Variants in DLG2 observed in about 807,000 individuals in gnomAD.
The protein encoded by DLG2 is disks large homolog 2.
A neutral mutation model predicts 132.5 loss-of-function variants in DLG2; 45 were observed. The observed-to-expected ratio is 0.34, with a 90% confidence interval of 0.27 to 0.44. The LOEUF (loss-of-function observed/expected upper bound fraction) is 0.44, where lower values mean the gene tolerates loss of function less well. DLG2 is among the 20% of genes least tolerant of loss of function. The probability of loss-of-function intolerance (pLI) is 1.00; values close to 1 mark genes in which losing one functional copy is unlikely to be tolerated. For missense variants in DLG2, 1,045 were observed against 1,196.9 expected, an observed-to-expected ratio of 0.87 and a Z score of 1.87; for synonymous variants, 424 against 419.6, an observed-to-expected ratio of 1.01 and a Z score of -0.13.
intron 18 of DLG2, among the ~76,000 whole-genome samples, chr11:83,658,225 CT>C (rs2073256071): frequency 1.3e-5 from 2 of 152,236 alleles, no homozygotes; most frequent in African/African-American, 4.8e-5. Context: ...ATCTAATGGG[CT>C]TTTTGAAAAA....
chr11:84,294,904 T>C (rs1261902198), intron 7 of DLG2, among the ~76,000 whole-genome samples: 44 of 152,160 alleles, frequency 2.9e-4, no homozygotes, highest in Admixed American at 2.9e-3. Flanking sequence ...TAAAATATGA[T>C]GAAGTCTCAA....
chr11:83,850,735 T>C (rs956154773), intron 16 of DLG2, among the ~76,000 whole-genome samples: 1 of 152,174 alleles, frequency 6.6e-6, no homozygotes, highest in Admixed American at 6.5e-5. Flanking sequence ...TTGCATATAC[T>C]TTCTTCATTC....
At chr11:85,249,107 A>C (rs1407003941) in intron 4 of DLG2, among the ~76,000 whole-genome samples, 1 of 152,056 alleles carries the variant, frequency 6.6e-6, no homozygotes, top group African/African-American at 2.4e-5. Context: ...ATGCTTTATG[A>C]ATATTGTAGG....
intron 18 of DLG2, among the ~76,000 whole-genome samples, chr11:83,753,376 T>C (rs1329956420): frequency 6.6e-6 from 1 of 152,098 alleles, no homozygotes; most frequent in Non-Finnish European, 1.5e-5. Flanking sequence ...TGAGCCAAGA[T>C]TGTGCCACTG....
At chr11:83,945,090 A>G (rs7935402) in intron 14 of DLG2, among the ~76,000 whole-genome samples, 12,976 of 152,156 alleles carry the variant, frequency 0.085, 1,647 homozygotes, top group African/African-American at 0.28. Flanking sequence ...TACAACAACA[A>G]ACTTTCACGG....
intron 8 of DLG2, among the ~76,000 whole-genome samples, chr11:84,170,859 G>C (rs1249628258): frequency 6.6e-6 from 1 of 152,062 alleles, no homozygotes; most frequent in African/African-American, 2.4e-5. Flanking sequence ...TTCCCATCTA[G>C]TGCACCTGAC....
chr11:83,828,298 C>T (rs895895227), intron 17 of DLG2, among the ~76,000 whole-genome samples: 2 of 152,136 alleles, frequency 1.3e-5, no homozygotes, highest in Non-Finnish European at 2.9e-5. Flanking sequence ...GAGGCTGAAG[C>T]AGGAGAATCA....
At chr11:85,083,051 C>G (rs2067452571) in intron 6 of DLG2, among the ~76,000 whole-genome samples, 1 of 152,124 alleles carries the variant, frequency 6.6e-6, no homozygotes, top group Admixed American at 6.5e-5. Flanking sequence ...TGTCTACCAT[C>G]TCAGTAGCAG....
chr11:84,150,660 T>C (rs1566716837), intron 9 of DLG2, among the ~76,000 whole-genome samples: 1 of 152,078 alleles, frequency 6.6e-6, no homozygotes. Context: ...GTTGTAAGAG[T>C]GGTGAGAGTG....
At chr11:84,177,478 T>C (rs747614692) in intron 8 of DLG2, among the ~76,000 whole-genome samples, 4 of 152,200 alleles carry the variant, frequency 2.6e-5, no homozygotes, top group Non-Finnish European at 4.4e-5. Context: ...CAGTCAGACA[T>C]GTAGGCTAAT....
In DLG2 at chr11:84,913,429, C is replaced by T. The variant is rs1304883328; in HGVS notation, c.357+198232G>A. Among the ~76,000 whole-genome samples, 5 of 152,302 alleles carry T rather than the reference C, an allele frequency of 3.3e-5. No homozygotes were observed. The East Asian group carries it at 5.8e-4, about 18-fold the overall frequency. On this transcript the variant is annotated intron_variant, in intron 6 of 27. Transcript: ENST00000376104. ...AAGGTTACACTTGAAAGCTTTCTAA[C>T]CTCTGCTGAAAAGTAATGGTCCAAG...
chr11:85,203,429 A>G (rs1385836935), intron 4 of DLG2, among the ~76,000 whole-genome samples: 1 of 152,110 alleles, frequency 6.6e-6, no homozygotes, highest in African/African-American at 2.4e-5. Context: ...ATGCCAACAC[A>G]TTAGGAAACC....
intron 4 of DLG2, 117 bp downstream of exon 4, chr11:85,285,103 T>C: frequency 2.2e-6 from 2 of 925,874 alleles, no homozygotes; most frequent in Non-Finnish European, 3.2e-6. Flanking sequence ...ATGGTATAAC[T>C]ACATTTCTAT....
At chr11:84,303,605 C>T (rs2098181420) in intron 7 of DLG2, among the ~76,000 whole-genome samples, 2 of 152,260 alleles carry the variant, frequency 1.3e-5, no homozygotes, top group Non-Finnish European at 1.5e-5. Context: ...GTCCGATTTC[C>T]TCTCAAACTA....
intron 4 of DLG2, among the ~76,000 whole-genome samples, chr11:85,236,480 A>G (rs1253569302): frequency 1.3e-5 from 2 of 152,068 alleles, no homozygotes; most frequent in East Asian, 3.9e-4. Context: ...GTATCTTCTT[A>G]TAAGGATACC....
chr11:84,364,203 T>C (rs1343295921), intron 7 of DLG2, among the ~76,000 whole-genome samples: 1 of 151,918 alleles, frequency 6.6e-6, no homozygotes, highest in African/African-American at 2.4e-5. Context: ...TGGTTTGTAG[T>C]TCTCCTTGAA....
chr11:83,715,967 GACT>G, intron 18 of DLG2, among the ~76,000 whole-genome samples: 2 of 152,110 alleles, frequency 1.3e-5, no homozygotes, highest in Non-Finnish European at 2.9e-5. Flanking sequence ...GAGCCTATAA[GACT>G]CCCATAGTAT....
rs1344304536 is a variant in DLG2 at position 83,930,377 on chromosome 11, G to C, written c.1447C>G (p.Pro483Ala). ...ECDKSFLLSA[P>A]YSHYHLGLLP... ...AGGCCTAGGTGGTAGTGGGAATAGGGAGCTGAGAGGAGGAAGCTTTTGTCA... is the reference window on the plus strand; with the variant it reads ...AGGCCTAGGTGGTAGTGGGAATAGGCAGCTGAGAGGAGGAAGCTTTTGTCA... The change falls in exon 15 of 28, where the codon CCC becomes GCC. Residue 483 changes from proline (P) to alanine (A), a missense_variant. Around this residue, in one of 4 missense-constraint regions of DLG2, gnomAD observed 261 missense variants for 256.1 expected, o/e 1.02. Transcript: ENST00000376104. 6.2e-7 allele frequency: 1 copy of C among 1,614,106 alleles called. No individual in the cohort carries two copies. The highest frequency in any genetic ancestry group is 2.2e-5 in the East Asian group (1 of 44,876).
At chr11:84,867,077 T>A (rs2084681979) in intron 6 of DLG2, among the ~76,000 whole-genome samples, 2 of 152,206 alleles carry the variant, frequency 1.3e-5, no homozygotes, top group African/African-American at 4.8e-5. Context: ...TAAATAAACA[T>A]TGAGTATATT....
Sources: gnomAD v4.1 joint callset for allele counts (sites outside exome capture counted in the v4.1 genomes callset) on GRCh38, gnomAD v4.1.1 for gene constraint, gnomAD v4.1.1 regional missense constraint, MANE v1.5 for transcripts, NCBI Gene and HGNC (gene_info 2026-07-23, HGNC 2026-07-21) for gene names.